BRWD3: variants seen among roughly 807,000 people sequenced by gnomAD.
The protein encoded by BRWD3 is bromodomain and WD repeat-containing protein 3.
A neutral mutation model predicts 149.7 loss-of-function variants in BRWD3; 10 were observed. That is an observed-to-expected ratio of 0.07 (90% confidence interval 0.04 to 0.11). The LOEUF (loss-of-function observed/expected upper bound fraction) is 0.11. BRWD3 is among the 10% of genes least tolerant of loss of function. The probability of loss-of-function intolerance (pLI) is 1.00; values close to 1 mark genes in which losing one functional copy is unlikely to be tolerated. For synonymous variants in BRWD3, 504 were observed against 456.7 expected, an observed-to-expected ratio of 1.10 and a Z score of -1.32; for missense variants, 940 against 1,373.2, an observed-to-expected ratio of 0.68 and a Z score of 4.99.
chrX:80,722,763 T>A lies in BRWD3; in HGVS notation c.1675A>T (p.Thr559Ser). 1 of 1,209,581 alleles carries A rather than the reference T, an allele frequency of 8.3e-7. No individual in the cohort carries two copies. The highest frequency in any genetic ancestry group is 1.1e-6 in the Non-Finnish European group (1 of 893,467). Reference protein sequence around the residue: ...EKIPDQMFFHTDYRPLIRDAN... With the variant: ...EKIPDQMFFHSDYRPLIRDAN... ...TCACGAATAAGAGGACGATAATCCG[T>A]GTGGAAGAACATCTGATCTGGAATC... Residue 559 changes from threonine to serine, a missense_variant, in exon 17 of 41, where the codon ACG (threonine) becomes TCG (serine). Coordinates refer to ENST00000373275, the MANE Select transcript of BRWD3 (RefSeq NM_153252.5).
In BRWD3 at chrX:80,808,554, T is replaced by G. The variant is rs1211356895; in HGVS notation, c.165A>C (p.Arg55Ser). 6 of 1,207,841 alleles carry G rather than the reference T, an allele frequency of 5.0e-6. No individual in the cohort carries two copies. Among genetic ancestry groups the G allele is most frequent in the Non-Finnish European group, 5.6e-6 (5 of 893,931 alleles). ...RLDWEGKEHR[R>S]SFEDLVAANA... is the part of the protein sequence containing the mutation. ...CTTTACTCACCAGATCCTCGAAGCT[T>G]CTTCGGTGCTCTTTCCCCTCCCAAT... The change falls in exon 4 of 41, where the codon AGA (arginine) becomes AGC (serine). Residue 55 changes from arginine (R) to serine (S), a missense_variant. This residue lies in a region of BRWD3 where 105 missense variants were observed against 127.7 expected (regional missense o/e 0.82). Transcript: ENST00000373275.
chrX:80,767,299 G>A (rs2073874251), intron 6 of BRWD3, among the ~76,000 whole-genome samples: 1 of 111,399 alleles, frequency 9.0e-6, no homozygotes, highest in South Asian at 3.8e-4. Context: ...TTCCCATTAG[G>A]GGCCAACAAC....
intron 25 of BRWD3, among the ~76,000 whole-genome samples, chrX:80,698,406 T>G (rs2072732325): frequency 9.0e-6 from 1 of 111,649 alleles, no homozygotes; most frequent in Non-Finnish European, 1.9e-5. Context: ...ACAACAAGGT[T>G]AGGATAAAAA....
At chrX:80,769,765 G>C (rs1269797642) in intron 6 of BRWD3, among the ~76,000 whole-genome samples, 1 of 107,575 alleles carries the variant, frequency 9.3e-6, no homozygotes, top group Non-Finnish European at 1.9e-5. Flanking sequence ...GAAGGAGATA[G>C]AGAGAGAAAA....
At chrX:80,720,377 G>C (rs1443944799) in intron 17 of BRWD3, among the ~76,000 whole-genome samples, 1 of 111,115 alleles carries the variant, frequency 9.0e-6, no homozygotes, top group Admixed American at 9.6e-5. Context: ...ACTCTGTGTA[G>C]ACCTAGGCTA....
chrX:80,769,830 C>T (rs757086253), intron 6 of BRWD3, among the ~76,000 whole-genome samples: 1 of 107,956 alleles, frequency 9.3e-6, no homozygotes, highest in South Asian at 3.9e-4. Context: ...TTGACAAGAT[C>T]AACAAAACCG....
intron 6 of BRWD3, among the ~76,000 whole-genome samples, chrX:80,773,549 A>G (rs1316360258): frequency 8.9e-6 from 1 of 111,828 alleles, no homozygotes; most frequent in Non-Finnish European, 1.9e-5. Flanking sequence ...GAAAATAAGG[A>G]TTAATGTGTA....
At position 80,671,359 on chromosome X, in the gene BRWD3, G is replaced by A. The variant is rs954462281; in HGVS notation, c.*5250C>T. 1 of 111,755 alleles carries A rather than the reference G, an allele frequency of 8.9e-6. No individual in the cohort carries two copies. The highest frequency in any genetic ancestry group is 1.9e-5 in the Non-Finnish European group (1 of 53,115). 9.2% of individuals were successfully genotyped at this position (111,755 alleles called of 1,213,427 possible). On this transcript the variant is annotated 3_prime_UTR_variant, in exon 41 of 41. Coordinates refer to ENST00000373275, the MANE Select transcript of BRWD3 (RefSeq NM_153252.5). ...AAAAACAAAACCTTTTCTTTGATAG[G>A]AAGAAGCATCCTAGTTTCTCAGATT... is the stretch of plus-strand genomic sequence containing the variant.
intron 8 of BRWD3, among the ~76,000 whole-genome samples, chrX:80,740,976 C>T (rs190510125): frequency 8.1e-5 from 9 of 110,803 alleles, no homozygotes; most frequent in East Asian, 5.7e-4. Context: ...TTGTTACATA[C>T]GTATACATGT....
rs1424284850 is a variant in BRWD3 at position 80,682,717 on chromosome X, T to C, written c.4234-89A>G. ...CCTAGACCAATATTAAGCATCATCA[T>C]TACAGACAAAATATCTGTTCACTTG... On this transcript the variant is annotated intron_variant, in intron 37 of 40. Transcript: ENST00000373275. The C allele has an allele frequency of 3.9e-5, 35 of 887,395 alleles. No homozygotes were observed. In the East Asian group the frequency reaches 1.1e-3, roughly 29 times the overall value. The allele number at this position is 887,395 out of a possible 1,213,427, so 73.1% of individuals were successfully genotyped here.
At chrX:80,757,928 C>T (rs1009079048) in intron 6 of BRWD3, among the ~76,000 whole-genome samples, 5 of 112,162 alleles carry the variant, frequency 4.5e-5, no homozygotes, top group African/African-American at 1.3e-4. Context: ...AGGCTGGGCG[C>T]GGTGGCTCAC....
chrX:80,766,445 T>C (rs1469549838), intron 6 of BRWD3, among the ~76,000 whole-genome samples: 3 of 111,552 alleles, frequency 2.7e-5, no homozygotes, highest in Non-Finnish European at 5.6e-5. Context: ...ACCCTGACTA[T>C]ACAGGAGCCA....
intron 6 of BRWD3, among the ~76,000 whole-genome samples, chrX:80,785,541 G>A (rs191628513): frequency 1.8e-5 from 2 of 111,164 alleles, no homozygotes; most frequent in African/African-American, 3.3e-5. Context: ...TTAACTATAC[G>A]AACGACGGAA....
At chrX:80,684,299 C>T in intron 36 of BRWD3, 137 bp from the exon 37 acceptor site, 1 of 537,454 alleles carries the variant, frequency 1.9e-6, no homozygotes, top group Admixed American at 3.2e-5. Context: ...CTCCCCACAA[C>T]CCCAAAACAT....
At position 80,673,086 on chromosome X, in the gene BRWD3, T is replaced by G. The variant is rs1016795681; in HGVS notation, c.*3523A>C. 2.6e-4 allele frequency: 29 copies of G among 111,902 alleles called. No homozygotes were observed. Among genetic ancestry groups the G allele is most frequent in the African/African-American group, 9.1e-4 (28 of 30,837 alleles). The allele number at this position is 111,902 out of a possible 1,213,427, so 9.2% of individuals were successfully genotyped here. On this transcript the variant is annotated 3_prime_UTR_variant, in exon 41 of 41. Transcript: ENST00000373275. ...TATTGTCTGATGACAATCTATGGGA[T>G]TAAAACAAAAACAACAAAAAGATAA...
At chrX:80,725,993 CAT>C (rs199500831) in intron 14 of BRWD3, among the ~76,000 whole-genome samples, 83 of 96,471 alleles carry the variant, frequency 8.6e-4, no homozygotes, top group South Asian at 2.6e-3. Flanking sequence ...GTCTATATAA[CAT>C]AACATGTTTA....
At chrX:80,776,069 T>C (rs2073997731) in intron 6 of BRWD3, among the ~76,000 whole-genome samples, 1 of 112,367 alleles carries the variant, frequency 8.9e-6, no homozygotes, top group Non-Finnish European at 1.9e-5. Flanking sequence ...CAATGTTGTC[T>C]ATTTAATGAC....
intron 18 of BRWD3, among the ~76,000 whole-genome samples, chrX:80,718,902 A>G (rs1052108439): frequency 8.9e-6 from 1 of 111,777 alleles, no homozygotes; most frequent in African/African-American, 3.2e-5. Flanking sequence ...TGTAAAAGAT[A>G]GGATAGAATA....
Position 80,735,999 on chromosome X carries a change from T to A in BRWD3, c.903A>T (p.Thr301=), listed in dbSNP as rs1408265888. The A allele has an allele frequency of 7.5e-6, 9 of 1,197,087 alleles. No homozygotes were observed. The highest frequency in any genetic ancestry group is 1.0e-5 in the Non-Finnish European group (9 of 886,902). The change falls in exon 9 of 41, where the codon ACA becomes ACT. Residue 301 remains threonine (T), a synonymous_variant. Transcript: ENST00000373275. ...TICFWQWHVK[T]MKFRDRPVKF... Reference sequence around the variant, plus strand: ...ATTTCTAAACTTACCTAAACTTCATTGTTTTTACATGCCATTGCCAGAAAC... The same window carrying A: ...ATTTCTAAACTTACCTAAACTTCATAGTTTTTACATGCCATTGCCAGAAAC...
Sources: allele counts gnomAD v4.1 joint callset (sites outside exome capture counted in the v4.1 genomes callset), GRCh38; gene constraint gnomAD v4.1.1; regional missense constraint gnomAD v4.1.1; transcripts MANE v1.5; gene names NCBI Gene and HGNC (gene_info 2026-07-23, HGNC 2026-07-21).